Variants in STAG3 observed in about 807,000 individuals in gnomAD.
STAG3 encodes the protein cohesin subunit SA-3.
A neutral mutation model predicts 160.7 loss-of-function variants in STAG3; 101 were observed. That is an observed-to-expected ratio of 0.63 (90% CI 0.54 to 0.74). The LOEUF (loss-of-function observed/expected upper bound fraction) is 0.74, where lower values mean the gene tolerates loss of function less well. Among genes scored for constraint, STAG3 ranks in the 30% least tolerant of loss-of-function variants. The pLI is 0.00. For synonymous variants in STAG3, 519 were observed against 585.0 expected (o/e 0.89, Z 1.63); for missense variants, 1,188 against 1,517.4 (o/e 0.78, Z 3.61).
intron 15 of STAG3, 84 bp from the exon 16 acceptor site, chr7:100,199,457 A>T: frequency 6.4e-7 from 1 of 1,555,892 alleles, no homozygotes; most frequent in Non-Finnish European, 8.8e-7. Flanking sequence ...ACAAGGCAGC[A>T]ACGGTGGCAT....
At chr7:100,178,591 A>G (rs115199805) in intron 1 of STAG3, among the ~76,000 whole-genome samples, 4 of 116,394 alleles carry the variant, frequency 3.4e-5, no homozygotes, top group African/African-American at 1.3e-4. Flanking sequence ...TTTTTTTTCC[A>G]TTTAATTTTT....
chr7:100,214,674 T>C (rs1727132), downstream of STAG3, among the ~76,000 whole-genome samples: 104,938 of 151,866 alleles, frequency 0.69, 36,941 homozygotes, highest in Middle Eastern at 0.86. Flanking sequence ...GTCTCACCCA[T>C]GTGAGCCAGG....
chr7:100,204,866 C>A (rs1270220295), intron 27 of STAG3, 91 bp downstream of exon 27: 42 of 1,571,016 alleles, frequency 2.7e-5, no homozygotes, highest in Non-Finnish European at 3.4e-5. Context: ...TGTGTCAAGG[C>A]ATAGCAGTCA....
chr7:100,210,350 T>G (rs1051729233), intron 29 of STAG3, among the ~76,000 whole-genome samples: 1 of 152,206 alleles, frequency 6.6e-6, no homozygotes, highest in African/African-American at 2.4e-5. Context: ...TGACTGATGC[T>G]TTAAAATAGT....
rs112693237 is a variant in STAG3 at position 100,186,083 on chromosome 7, T to C, written c.337-117T>C. 231 of 866,534 alleles carry C rather than the reference T, an allele frequency of 2.7e-4. 2 individuals carry two copies. In the African/African-American group the frequency reaches 2.9e-3, roughly 11 times the overall value. 53.7% of individuals were successfully genotyped at this position (866,534 alleles called of 1,614,324 possible). On this transcript the variant is annotated intron_variant, in intron 4 of 33. Transcript: ENST00000615138. ...TTCATTCTAGTTCACCAGTACATTG[T>C]GAAAGATGTTTTAAATGTTTTACAG...
downstream of STAG3, among the ~76,000 whole-genome samples, chr7:100,217,361 G>A (rs190352084): frequency 3.4e-3 from 523 of 152,330 alleles, 3 homozygotes; most frequent in South Asian, 8.3e-3. Context: ...CAGGCTGGAC[G>A]AGCTGAGGCC....
At chr7:100,179,474 C>T (rs574781619) in intron 1 of STAG3, among the ~76,000 whole-genome samples, 1 of 152,226 alleles carries the variant, frequency 6.6e-6, no homozygotes, top group Non-Finnish European at 1.5e-5. Context: ...GTCCTCCCGC[C>T]TCAGCCGCCT....
At position 100,198,467 on chromosome 7, in the gene STAG3, G is replaced by A. The variant is rs751947753; in HGVS notation, c.1245-8G>A. The A allele has an allele frequency of 1.2e-6, 2 of 1,613,938 alleles. No individual in the cohort carries two copies. The highest frequency in any genetic ancestry group is 3.3e-5 in the Admixed American group (2 of 59,996). ...ATTCACATACTCTTTCTGCTTTTCT[G>A]TGGGCAGGAACATGGAAGGGGTGCT... On this transcript the variant is annotated splice_region_variant and splice_polypyrimidine_tract_variant and intron_variant, in intron 12 of 33. Coordinates refer to ENST00000615138, the MANE Select transcript of STAG3 (RefSeq NM_001282717.2).
chr7:100,181,511 A>C (rs1799641364), intron 2 of STAG3: 1 of 152,286 alleles, frequency 6.6e-6, no homozygotes. Flanking sequence ...ATCTTTCTCT[A>C]CAAAGAGCAG....
chr7:100,213,792 G>A lies in STAG3; in HGVS notation c.3658G>A (p.Glu1220Lys). 3 of 1,614,254 alleles carry A rather than the reference G, an allele frequency of 1.9e-6. No individual in the cohort carries two copies. Among genetic ancestry groups the A allele is most frequent in the Non-Finnish European group, 2.5e-6 (3 of 1,180,054 alleles). ...CGGGCTGGACCTCTTAGATTCTACA[G>A]AGCTGGATATTGAGGTGAGTGTCCC... The part of the protein sequence containing the change: ...ERGLDLLDST[E>K]LDIEDF Residue 1220 changes from glutamate to lysine, a missense_variant, in exon 33 of 34, where the codon GAG becomes AAG. Transcript: ENST00000615138.
At chr7:100,183,038 G>C (rs1355897133) in intron 4 of STAG3, among the ~76,000 whole-genome samples, 199 bp downstream of exon 4, 2 of 150,588 alleles carry the variant, frequency 1.3e-5, no homozygotes, top group African/African-American at 4.9e-5. Context: ...TTTTTAGACA[G>C]AGTCTCTTTC....
intron 1 of STAG3, among the ~76,000 whole-genome samples, chr7:100,179,446 A>G (rs2117031009): frequency 6.6e-6 from 1 of 151,966 alleles, no homozygotes; most frequent in Non-Finnish European, 1.5e-5. Context: ...ATTGGTCTTG[A>G]ACTACTGGGC....
chr7:100,185,539 T>C (rs1319240750), intron 4 of STAG3, among the ~76,000 whole-genome samples: 1 of 149,254 alleles, frequency 6.7e-6, no homozygotes. Context: ...GAGGTGGAGG[T>C]TGTAGTGAGC....
At chr7:100,194,901 G>GA (rs1800580698) in intron 8 of STAG3, among the ~76,000 whole-genome samples, 1 of 151,506 alleles carries the variant, frequency 6.6e-6, no homozygotes, top group African/African-American at 2.4e-5. Flanking sequence ...GTGCCACAGG[G>GA]ACACAAAGTG....
intron 11 of STAG3, 46 bp downstream of exon 11, chr7:100,197,922 T>C (rs13310961): frequency 6.4e-7 from 1 of 1,572,544 alleles, no homozygotes; most frequent in Non-Finnish European, 8.8e-7. Context: ...TCGTGGTTCC[T>C]ATTTCCCCAC....
At position 100,197,236 on chromosome 7, in the gene STAG3, C is replaced by T. The variant is rs1800748265; in HGVS notation, c.1022C>T (p.Thr341Ile). ...WMQSYSTSFL[T>I]DSYLKYIGWT... ...CAAAGCTACAGCACGTCTTTCCTCA[C>T]CGACAGCTATTTAAAATATATTGGT... The change falls in exon 10 of 34, where the codon ACC becomes ATC. Residue 341 changes from threonine to isoleucine, a missense_variant. This residue lies in a region of STAG3 where 5 missense variants were observed against 38.1 expected (regional missense o/e 0.13). Coordinates refer to ENST00000615138, the MANE Select transcript of STAG3 (RefSeq NM_001282717.2). The T allele has an allele frequency of 1.2e-6, 2 of 1,605,068 alleles. No homozygotes were observed. Among genetic ancestry groups the T allele is most frequent in the South Asian group, 1.1e-5 (1 of 90,638 alleles).
intron 2 of STAG3, 119 bp downstream of exon 2, chr7:100,180,791 C>A: frequency 2.9e-6 from 2 of 684,612 alleles, no homozygotes. Flanking sequence ...GTGCTATACT[C>A]GTTCAGCACA....
intron 8 of STAG3, among the ~76,000 whole-genome samples, chr7:100,193,304 G>A (rs1435890033): frequency 2.0e-5 from 3 of 152,160 alleles, no homozygotes; most frequent in Non-Finnish European, 4.4e-5. Context: ...TGGTAAATGA[G>A]TATTGGCTTC....
At chr7:100,204,576 T>C (rs1203221091) in intron 26 of STAG3, 51 bp from the exon 27 acceptor site, 1 of 1,593,052 alleles carries the variant, frequency 6.3e-7, no homozygotes, top group Non-Finnish European at 8.6e-7. Context: ...GACTTCTCTG[T>C]TTCCGCCGTG....
Sources: allele counts gnomAD v4.1 joint callset (sites outside exome capture counted in the v4.1 genomes callset), GRCh38; gene constraint gnomAD v4.1.1; regional missense constraint gnomAD v4.1.1; transcripts MANE v1.5; gene names NCBI Gene and HGNC (gene_info 2026-07-23, HGNC 2026-07-21).